LRBA: variants seen among roughly 807,000 people sequenced by gnomAD.
LRBA encodes the protein lipopolysaccharide-responsive and beige-like anchor protein.
In LRBA, 176 loss-of-function variants were observed where a neutral mutation model predicts 330.0. The ratio of observed to expected loss-of-function variants is 0.53; its 90% confidence interval spans 0.47 to 0.60. LRBA has a LOEUF of 0.60. Among genes scored for constraint, LRBA ranks in the 20% least tolerant of loss-of-function variants. LRBA has a pLI of 0.00. For missense variants in LRBA, 3,259 were observed against 3,444.8 expected, an observed-to-expected ratio of 0.95 and a Z score of 1.35; for synonymous variants, 1,230 against 1,193.0, an observed-to-expected ratio of 1.03 and a Z score of -0.64.
intron 47 of LRBA, among the ~76,000 whole-genome samples, chr4:150,377,903 G>A (rs1300390919): frequency 1.5e-4 from 23 of 151,226 alleles, no homozygotes; most frequent in Admixed American, 1.5e-3. Flanking sequence ...CCTGGGAAGG[G>A]GAGGTTGCAG....
intron 2 of LRBA, among the ~76,000 whole-genome samples, chr4:150,974,923 C>T (rs944047654): frequency 1.2e-4 from 18 of 152,042 alleles, no homozygotes; most frequent in African/African-American, 4.3e-4. Flanking sequence ...ATATTGAAAC[C>T]ACTACATATA....
At chr4:150,609,948 A>G (rs1341771884) in intron 37 of LRBA, among the ~76,000 whole-genome samples, 1 of 152,170 alleles carries the variant, frequency 6.6e-6, no homozygotes, top group Non-Finnish European at 1.5e-5. Context: ...AACTAAGGTC[A>G]TCTCTTTCTT....
chr4:150,639,967 T>C (rs1034625550), intron 37 of LRBA, among the ~76,000 whole-genome samples: 2 of 147,442 alleles, frequency 1.4e-5, no homozygotes, highest in Non-Finnish European at 1.5e-5. Context: ...AGCGATTCTT[T>C]TGCCTCAGCC....
Position 150,603,365 on chromosome 4 carries a change from C to T in LRBA, c.5922-4234G>A, listed in dbSNP as rs192747658. Reference sequence around the variant, plus strand: ...AGTCTATTGGACTTTTCTACATATACGTCATCTAATTATGTTTCTACTTTT... The same window carrying T: ...AGTCTATTGGACTTTTCTACATATATGTCATCTAATTATGTTTCTACTTTT... On this transcript the variant is annotated intron_variant, in intron 37 of 56. Coordinates refer to ENST00000651943, the MANE Select transcript of LRBA (RefSeq NM_001364905.1). Among the ~76,000 whole-genome samples the T allele has an allele frequency of 9.2e-5, 14 of 152,200 alleles. No individual in the cohort carries two copies. The East Asian group carries it at 2.1e-3, about 23-fold the overall frequency.
intron 40 of LRBA, among the ~76,000 whole-genome samples, chr4:150,560,868 C>A (rs1421293697): frequency 1.3e-5 from 2 of 152,054 alleles, no homozygotes; most frequent in Admixed American, 6.6e-5. Flanking sequence ...TGTCTGTAAT[C>A]CCAGCCACTC....
chr4:150,934,520 T>C (rs1561026455), intron 2 of LRBA, among the ~76,000 whole-genome samples: 1 of 152,212 alleles, frequency 6.6e-6, no homozygotes, highest in Non-Finnish European at 1.5e-5. Context: ...AGAAATAGCC[T>C]ACCCGTATTT....
At chr4:150,598,310 A>G (rs1165527985) in intron 38 of LRBA, among the ~76,000 whole-genome samples, 2 of 152,172 alleles carry the variant, frequency 1.3e-5, no homozygotes, top group African/African-American at 4.8e-5. Context: ...GTGAAATTTT[A>G]TAAAAATTTA....
At chr4:150,977,350 C>G (rs1740302737) in intron 2 of LRBA, among the ~76,000 whole-genome samples, 1 of 152,158 alleles carries the variant, frequency 6.6e-6, no homozygotes, top group Non-Finnish European at 1.5e-5. Context: ...TCATGAGGAC[C>G]CCATTCCAGG....
rs117815269 is a variant in LRBA at position 150,409,745 on chromosome 4, A to G, written c.7194+5693T>C. Among the ~76,000 whole-genome samples the G allele has an allele frequency of 5.8e-4, 88 of 152,274 alleles. 4 individuals are homozygous for G. The East Asian group carries it at 0.016, about 27-fold the overall frequency. On this transcript the variant is annotated intron_variant, in intron 47 of 56. Coordinates refer to ENST00000651943, the MANE Select transcript of LRBA (RefSeq NM_001364905.1). ...TGTGGGGAGAATTAACAATCTATCA[A>G]TATGGCAAATCTTTTTTCCTCTTAT...
intron 44 of LRBA, among the ~76,000 whole-genome samples, chr4:150,444,542 G>A (rs927697599): frequency 6.6e-6 from 1 of 152,056 alleles, no homozygotes; most frequent in African/African-American, 2.4e-5. Flanking sequence ...TTCGTTATAT[G>A]CTATATAAGG....
At chr4:151,005,932 T>G (rs1744024182) in intron 2 of LRBA, among the ~76,000 whole-genome samples, 1 of 151,768 alleles carries the variant, frequency 6.6e-6, no homozygotes, top group African/African-American at 2.4e-5. Flanking sequence ...TAAAACAGAC[T>G]AAAGTAATTC....
At chr4:150,749,161 C>T (rs1733185814) in intron 35 of LRBA, among the ~76,000 whole-genome samples, 1 of 151,762 alleles carries the variant, frequency 6.6e-6, no homozygotes, top group African/African-American at 2.4e-5. Flanking sequence ...TATAAAACTC[C>T]TAAAAGAAAA....
chr4:150,550,005 G>T (rs1561336126), intron 40 of LRBA, among the ~76,000 whole-genome samples: 1 of 152,126 alleles, frequency 6.6e-6, no homozygotes, highest in South Asian at 2.1e-4. Context: ...ACAACACATA[G>T]TGTGTAAATA....
At chr4:150,490,808 A>G (rs1758816014) in intron 41 of LRBA, 110 bp downstream of exon 41, 2 of 537,768 alleles carry the variant, frequency 3.7e-6, no homozygotes, top group Non-Finnish European at 6.6e-6. Context: ...CTAGAACAGA[A>G]GGTGGGCTAC....
chr4:150,802,054 T>TAAAA (rs1402465385), intron 33 of LRBA, among the ~76,000 whole-genome samples: 1 of 124,996 alleles, frequency 8.0e-6, no homozygotes, highest in African/African-American at 2.7e-5. Flanking sequence ...AATAAATCAA[T>TAAAA]AAAATTTTTT....
intron 40 of LRBA, among the ~76,000 whole-genome samples, chr4:150,546,734 T>C (rs1004368426): frequency 6.6e-6 from 1 of 152,180 alleles, no homozygotes. Context: ...AAAATTGTTT[T>C]AAAAAATGAC....
At chr4:150,821,002 AT>A in intron 30 of LRBA, among the ~76,000 whole-genome samples, 1 of 152,228 alleles carries the variant, frequency 6.6e-6, no homozygotes, top group Admixed American at 6.5e-5. Flanking sequence ...TGCAATATGC[AT>A]TTGACAAAAC....
intron 40 of LRBA, among the ~76,000 whole-genome samples, chr4:150,508,014 T>C (rs1030429566): frequency 3.1e-5 from 4 of 128,658 alleles, no homozygotes; most frequent in Non-Finnish European, 4.6e-5. Flanking sequence ...CACTCATAGG[T>C]GGGAATTGAA....
At chr4:150,289,936 C>T (rs993184545) in intron 53 of LRBA, among the ~76,000 whole-genome samples, 3 of 152,094 alleles carry the variant, frequency 2.0e-5, no homozygotes, top group Admixed American at 6.6e-5. Context: ...CGGGGATAAT[C>T]GGAGGCAGAG....
Sources: gnomAD v4.1 joint callset for allele counts (sites outside exome capture counted in the v4.1 genomes callset) on GRCh38, gnomAD v4.1.1 for gene constraint, MANE v1.5 for transcripts, NCBI Gene and HGNC (gene_info 2026-07-23, HGNC 2026-07-21) for gene names.